Variants in LARGE1 observed in about 807,000 individuals in gnomAD.
LARGE1 encodes the protein LARGE xylosyl- and glucuronyltransferase 1.
LARGE1 carries 43 observed loss-of-function variants against 87.6 expected under a neutral mutation model. The ratio of observed to expected loss-of-function variants is 0.49; its 90% confidence interval spans 0.38 to 0.63. The LOEUF (loss-of-function observed/expected upper bound fraction) is 0.63, where lower values mean the gene tolerates loss of function less well. Ranked by LOEUF, LARGE1 falls within the 30% of genes least tolerant of loss-of-function variation. The pLI, the probability that LARGE1 is intolerant of heterozygous loss-of-function variation, is 0.00. For synonymous variants in LARGE1, 434 were observed against 394.6 expected (o/e 1.10, Z -1.18); for missense variants, 802 against 1,000.2 (o/e 0.80, Z 2.67).
chr22:33,159,833 C>A (rs1042947929), downstream of LARGE1, among the ~76,000 whole-genome samples: 1 of 151,444 alleles, frequency 6.6e-6, no homozygotes. Context: ...ATGATCCACC[C>A]GCCTCAGCCT....
intron 1 of LARGE1, among the ~76,000 whole-genome samples, chr22:33,834,026 A>T (rs141613166): frequency 6.6e-6 from 1 of 152,284 alleles, no homozygotes; most frequent in Non-Finnish European, 1.5e-5. Context: ...GAATTCGGGG[A>T]AGCTGAATAA....
intron 11 of LARGE1, among the ~76,000 whole-genome samples, chr22:33,209,227 G>C (rs187302149): frequency 1.3e-5 from 2 of 152,166 alleles, no homozygotes; most frequent in Non-Finnish European, 2.9e-5. Context: ...TATGTATTAA[G>C]CCCTTTACAG....
chr22:33,495,425 C>A (rs1266327006), intron 6 of LARGE1, among the ~76,000 whole-genome samples: 1 of 152,170 alleles, frequency 6.6e-6, no homozygotes, highest in Non-Finnish European at 1.5e-5. Flanking sequence ...CAGGACAGAG[C>A]AAAACTAAAG....
At chr22:33,793,794 T>G (rs1041086848) in intron 1 of LARGE1, among the ~76,000 whole-genome samples, 9 of 151,866 alleles carry the variant, frequency 5.9e-5, no homozygotes, top group Non-Finnish European at 1.3e-4. Flanking sequence ...CCAACTTTTT[T>G]TTTTTCATAA....
intron 7 of LARGE1, among the ~76,000 whole-genome samples, chr22:33,395,879 A>G (rs2065723749): frequency 6.6e-6 from 1 of 152,240 alleles, no homozygotes; most frequent in Non-Finnish European, 1.5e-5. Context: ...AAATAAAGTT[A>G]AATAGGTTTT....
exon 12 of LARGE1, chr22:33,163,174 C>T (rs540225485): frequency 2.6e-5 from 4 of 152,302 alleles, no homozygotes; most frequent in Non-Finnish European, 4.4e-5. Flanking sequence ...TTAACACAGT[C>T]GTCTTGGGCA....
intron 2 of LARGE1, among the ~76,000 whole-genome samples, chr22:33,710,971 C>A (rs2082714116): frequency 1.3e-5 from 2 of 152,168 alleles, no homozygotes; most frequent in Admixed American, 6.5e-5. Flanking sequence ...AGTAAACTGT[C>A]CCAAATCTTT....
intron 6 of LARGE1, among the ~76,000 whole-genome samples, chr22:33,456,169 G>C (rs2068122781): frequency 6.6e-6 from 1 of 152,144 alleles, no homozygotes; most frequent in Admixed American, 6.6e-5. Context: ...CTCCACTCTT[G>C]CAAAATAAGA....
At chr22:33,178,320 T>C (rs747468811) in intron 11 of LARGE1, among the ~76,000 whole-genome samples, 1 of 152,138 alleles carries the variant, frequency 6.6e-6, no homozygotes, top group Non-Finnish European at 1.5e-5. Context: ...TGCACAACCA[T>C]TAAGGCCACT....
the LARGE1 span, among the ~76,000 whole-genome samples, chr22:33,146,903 C>T: frequency 6.6e-6 from 1 of 152,220 alleles, no homozygotes; most frequent in Non-Finnish European, 1.5e-5. Context: ...AGTCTACAGC[C>T]GTGTCTGTAA....
At chr22:33,358,381 C>G (rs569247228) in intron 9 of LARGE1, among the ~76,000 whole-genome samples, 1 of 152,134 alleles carries the variant, frequency 6.6e-6, no homozygotes, top group South Asian at 2.1e-4. Flanking sequence ...TGTGTTTTCC[C>G]TGCCTCATTT....
At chr22:33,524,290 A>C (rs1255396768) in intron 6 of LARGE1, among the ~76,000 whole-genome samples, 1 of 105,930 alleles carries the variant, frequency 9.4e-6, no homozygotes, top group East Asian at 2.6e-4. Flanking sequence ...GACTCCCCTC[A>C]AAAAAAAAAA....
intron 1 of LARGE1, among the ~76,000 whole-genome samples, chr22:33,815,754 C>T (rs1286890847): frequency 6.6e-6 from 1 of 152,142 alleles, no homozygotes; most frequent in South Asian, 2.1e-4. Context: ...TGAACCACAC[C>T]GGAAGGCATG....
intron 2 of LARGE1, among the ~76,000 whole-genome samples, chr22:33,680,296 C>T (rs955992356): frequency 6.6e-5 from 10 of 152,166 alleles, no homozygotes; most frequent in African/African-American, 9.7e-5. Flanking sequence ...CCATGATCTA[C>T]GCCTGAACTT....
chr22:33,454,193 C>G (rs2068042904), intron 6 of LARGE1, among the ~76,000 whole-genome samples: 1 of 152,112 alleles, frequency 6.6e-6, no homozygotes, highest in Admixed American at 6.6e-5. Flanking sequence ...GTGCTGTTTT[C>G]CAGGGGGTGC....
chr22:33,089,373 T>TCC, the LARGE1 span, among the ~76,000 whole-genome samples: 21 of 142,838 alleles, frequency 1.5e-4, 1 homozygote, highest in African/African-American at 5.7e-4. Context: ...CTTCTTCTCC[T>TCC]TCTTCTTCTT....
intron 12 of LARGE1, among the ~76,000 whole-genome samples, chr22:33,293,475 T>G (rs1315020425): frequency 6.6e-6 from 1 of 152,212 alleles, no homozygotes; most frequent in East Asian, 1.9e-4. Context: ...AGCTTAAAAT[T>G]AAGCAGGAAA....
chr22:33,816,614 T>C (rs528705826), intron 1 of LARGE1, among the ~76,000 whole-genome samples: 7 of 151,770 alleles, frequency 4.6e-5, no homozygotes, highest in East Asian at 1.9e-4. Flanking sequence ...ATTCAGACCA[T>C]AGCAGGCAGG....
chr22:33,331,641 C>T (rs1937719829), intron 10 of LARGE1, among the ~76,000 whole-genome samples: 3 of 152,172 alleles, frequency 2.0e-5, no homozygotes, highest in Admixed American at 2.0e-4. Context: ...CTCCTGACCT[C>T]AGGTGATCTG....
Sources: gnomAD v4.1 joint callset for allele counts (sites outside exome capture counted in the v4.1 genomes callset) on GRCh38, gnomAD v4.1.1 for gene constraint, MANE v1.5 for transcripts, NCBI Gene and HGNC (gene_info 2026-07-23, HGNC 2026-07-21) for gene names.